Variants in XRCC6 observed in about 807,000 individuals in gnomAD.
The protein encoded by XRCC6 is DNA repair protein Ku70.
XRCC6 carries 5 observed loss-of-function variants against 65.7 expected under a neutral mutation model. The observed-to-expected ratio is 0.08, with a 90% CI of 0.04 to 0.16. The LOEUF is 0.16. XRCC6 is among the 10% of genes least tolerant of loss of function. XRCC6 has a pLI of 1.00. For missense variants in XRCC6, 447 were observed against 738.1 expected, an observed-to-expected ratio of 0.61 and a Z score of 4.57; for synonymous variants, 270 against 270.6, an observed-to-expected ratio of 1.00 and a Z score of 0.02.
chr22:41,621,707 C>G, intron 1 of XRCC6: 2 of 428,130 alleles, frequency 4.7e-6, no homozygotes, highest in Non-Finnish European at 8.5e-6. Flanking sequence ...GCGGGAATCC[C>G]TCACCGTCTA....
intron 9 of XRCC6, among the ~76,000 whole-genome samples, 195 bp from the exon 10 acceptor site, chr22:41,656,704 CCCTT>C (rs1569097507): frequency 6.6e-6 from 1 of 152,184 alleles, no homozygotes; most frequent in Non-Finnish European, 1.5e-5. Flanking sequence ...CACCCCTCCT[CCCTT>C]GCAGTCTTCT....
chr22:41,655,433 C>T lies in XRCC6; in HGVS notation c.1292-1470C>T, dbSNP rs1299765686. Among the ~76,000 whole-genome samples, 5 of 151,602 alleles carry T rather than the reference C, an allele frequency of 3.3e-5. No individual in the cohort carries two copies. The East Asian group carries it at 7.8e-4, about 24-fold the overall frequency. On this transcript the variant is annotated intron_variant, in intron 9 of 12. Transcript: ENST00000360079. Reference sequence around the variant, plus strand: ...AAAGAAATTCATCTTAGTGGCCAGGCGTGGTGGCTCACGCCTGTAATCCCA... The same window carrying T: ...AAAGAAATTCATCTTAGTGGCCAGGTGTGGTGGCTCACGCCTGTAATCCCA...
intron 2 of XRCC6, 100 bp downstream of exon 2, chr22:41,622,186 C>T: frequency 8.3e-7 from 1 of 1,207,520 alleles, no homozygotes; most frequent in Admixed American, 2.0e-5. Context: ...GCCTGCCCTT[C>T]TCCTCCCAGA....
At chr22:41,651,944 C>T (rs28384757) in intron 8 of XRCC6, among the ~76,000 whole-genome samples, 55 of 151,676 alleles carry the variant, frequency 3.6e-4, no homozygotes, top group Admixed American at 1.4e-3. Context: ...CCACCACGCC[C>T]GGCTAAATTC....
chr22:41,648,951 A>C (rs1021435149), intron 7 of XRCC6, among the ~76,000 whole-genome samples: 1 of 150,630 alleles, frequency 6.6e-6, no homozygotes, highest in Non-Finnish European at 1.5e-5. Context: ...TCACATATCC[A>C]GGATAAAATA....
chr22:41,628,046 C>T, intron 2 of XRCC6, 72 bp from the exon 3 acceptor site: 13 of 1,032,772 alleles, frequency 1.3e-5, no homozygotes, highest in Non-Finnish European at 1.7e-5. Context: ...CCTTTATGGC[C>T]TTTATTTATC....
At chr22:41,625,969 G>A (rs2067665508) in intron 2 of XRCC6, among the ~76,000 whole-genome samples, 1 of 152,104 alleles carries the variant, frequency 6.6e-6, no homozygotes, top group East Asian at 1.9e-4. Flanking sequence ...CTCCCTAGTA[G>A]CTGGAATTAT....
intron 2 of XRCC6, among the ~76,000 whole-genome samples, chr22:41,627,045 G>A (rs1468908481): frequency 1.3e-5 from 2 of 152,066 alleles, no homozygotes; most frequent in Non-Finnish European, 2.9e-5. Context: ...CAAAGTGTTG[G>A]GATTACAGGC....
At chr22:41,660,264 A>G (rs2068087388) in intron 11 of XRCC6, among the ~76,000 whole-genome samples, 1 of 152,190 alleles carries the variant, frequency 6.6e-6, no homozygotes, top group Admixed American at 6.5e-5. Flanking sequence ...AAAGGAAACA[A>G]AAGTATGATC....
At chr22:41,623,614 C>G (rs553680857) in intron 2 of XRCC6, among the ~76,000 whole-genome samples, 5 of 152,240 alleles carry the variant, frequency 3.3e-5, no homozygotes, top group African/African-American at 1.2e-4. Flanking sequence ...GTCTTGATCT[C>G]CTGACCTTGT....
chr22:41,660,965 C>T (rs191025967), intron 11 of XRCC6, among the ~76,000 whole-genome samples: 1 of 151,174 alleles, frequency 6.6e-6, no homozygotes, highest in Non-Finnish European at 1.5e-5. Flanking sequence ...ACCAGGGAGT[C>T]GGAGGTTGCA....
chr22:41,631,627 G>A (rs2067752927), intron 3 of XRCC6, among the ~76,000 whole-genome samples: 1 of 125,996 alleles, frequency 7.9e-6, no homozygotes, highest in African/African-American at 3.3e-5. Flanking sequence ...GGGCAGAGAC[G>A]CTCCTCACTT....
chr22:41,643,000 A>G (rs1431174893), intron 6 of XRCC6, among the ~76,000 whole-genome samples: 1 of 152,202 alleles, frequency 6.6e-6, no homozygotes, highest in Non-Finnish European at 1.5e-5. Flanking sequence ...CACGGTGTGA[A>G]CCTGTATATC....
At chr22:41,641,650 C>T (rs2067879004) in intron 6 of XRCC6, among the ~76,000 whole-genome samples, 1 of 152,148 alleles carries the variant, frequency 6.6e-6, no homozygotes, top group African/African-American at 2.4e-5. Flanking sequence ...TTTCTGTGTC[C>T]ATGAGTTCAA....
At chr22:41,626,206 G>T (rs542151151) in intron 2 of XRCC6, among the ~76,000 whole-genome samples, 1 of 150,808 alleles carries the variant, frequency 6.6e-6, no homozygotes, top group South Asian at 2.1e-4. Context: ...GCAGTGGCGC[G>T]ATCTTGGCTC....
At chr22:41,639,329 C>CT (rs386395480) in intron 6 of XRCC6, among the ~76,000 whole-genome samples, 3,066 of 64,132 alleles carry the variant, frequency 0.048, 482 homozygotes, top group Admixed American at 0.2. Flanking sequence ...GATTCTTTTT[C>CT]TTTTTTTTTT....
chr22:41,663,191 A>C (rs926826610), intron 12 of XRCC6, among the ~76,000 whole-genome samples: 1 of 152,130 alleles, frequency 6.6e-6, no homozygotes, highest in Admixed American at 6.5e-5. Flanking sequence ...TGTAGCCTCA[A>C]CCTCCTGGGC....
intron 1 of XRCC6, 149 bp from the exon 2 acceptor site, chr22:41,621,841 C>A (rs1443951172): frequency 3.0e-6 from 2 of 677,676 alleles, no homozygotes; most frequent in Non-Finnish European, 5.0e-6. Context: ...TACATGCAGT[C>A]CGACTGCCGA....
chr22:41,652,558 G>C (rs2068010945), intron 8 of XRCC6, among the ~76,000 whole-genome samples: 1 of 152,008 alleles, frequency 6.6e-6, no homozygotes, highest in Admixed American at 6.6e-5. Flanking sequence ...TAGAGACAGG[G>C]TTTTGCTATG....
Sources: allele counts gnomAD v4.1 joint callset (sites outside exome capture counted in the v4.1 genomes callset), GRCh38; gene constraint gnomAD v4.1.1; transcripts MANE v1.5; gene names NCBI Gene and HGNC (gene_info 2026-07-23, HGNC 2026-07-21).